Variants in NSF observed in about 807,000 individuals in gnomAD.
NSF encodes vesicle-fusing ATPase.
A neutral mutation model predicts 50.3 loss-of-function variants in NSF; 14 were observed. The ratio of observed to expected loss-of-function variants is 0.28; its 90% CI spans 0.18 to 0.44. The LOEUF is 0.44. NSF is among the 20% of genes least tolerant of loss of function. The pLI is 1.00. For missense variants in NSF, 218 were observed against 504.3 expected, an observed-to-expected ratio of 0.43 and a Z score of 5.44; for synonymous variants, 109 against 175.7, an observed-to-expected ratio of 0.62 and a Z score of 3.00.
chr17:46,635,782 T>TGTGTGTGTGTGTGTGTG (rs2058180169), intron 4 of NSF, among the ~76,000 whole-genome samples: 1 of 131,104 alleles, frequency 7.6e-6, no homozygotes, highest in African/African-American at 2.9e-5. Context: ...AATAAATGTG[T>TGTGTGTGTGTGTGTGTG]GTGTGTGTGT....
In NSF at chr17:46,606,813, A is replaced by AAAAT. The variant is rs145372026; in HGVS notation, c.12+16050_12+16053dup. ...GGCAACAGGGTGAGACTCTGTTTCA[A>AAAAT]AAATAAATAAATAAATAAATAAATA... On this transcript the variant is annotated intron_variant, in intron 1 of 20. Transcript: ENST00000398238. Among the ~76,000 whole-genome samples the AAAAT allele has an allele frequency of 3.7e-3, 20 of 5,346 alleles. 9 individuals are homozygous for AAAAT. The highest frequency in any genetic ancestry group is 4.3e-3 in the African/African-American group (20 of 4,666). 3.5% of individuals were successfully genotyped at this position (5,346 alleles called of 152,430 possible).
intron 17 of NSF, among the ~76,000 whole-genome samples, chr17:46,731,126 A>G (rs779105610): frequency 6.6e-6 from 1 of 152,190 alleles, no homozygotes; most frequent in Non-Finnish European, 1.5e-5. Context: ...GATAAAATCT[A>G]GTATATCCAT....
intron 9 of NSF, among the ~76,000 whole-genome samples, chr17:46,678,447 A>T (rs2058422567): frequency 2.0e-5 from 3 of 148,060 alleles, no homozygotes; most frequent in Non-Finnish European, 3.0e-5. Context: ...ATAAGATGAA[A>T]ATAACCAGAG....
intron 15 of NSF, among the ~76,000 whole-genome samples, chr17:46,717,804 G>A (rs181121524): frequency 4.6e-5 from 7 of 152,324 alleles, no homozygotes; most frequent in Non-Finnish European, 8.8e-5. Context: ...AGCGGCAAGC[G>A]AACAAGGTGA....
Position 46,751,607 on chromosome 17 carries a change from GTCCCTACAGGTAA to G in NSF, c.2149_2157+4del. ...AGAAGTTACTAATGCTGATCGAGAT[GTCCCTACAGGTAA>G]GGTACTTCGTTCTCCGTATGACTCA... On this transcript the variant is annotated splice_donor_variant and splice_donor_region_variant and coding_sequence_variant and intron_variant, in exon 19 of 21. Coordinates refer to ENST00000398238, the MANE Select transcript of NSF (RefSeq NM_006178.4). LOFTEE classifies it high-confidence loss of function. The G allele has an allele frequency of 6.2e-7, 1 of 1,606,532 alleles. No individual in the cohort carries two copies. Among genetic ancestry groups the G allele is most frequent in the Non-Finnish European group, 8.5e-7 (1 of 1,173,302 alleles).
chr17:46,728,685 TG>T (rs2058916919), intron 16 of NSF, among the ~76,000 whole-genome samples, 169 bp from the exon 17 acceptor site: 2 of 151,926 alleles, frequency 1.3e-5, no homozygotes, highest in East Asian at 1.9e-4. Flanking sequence ...GTTTTATGAC[TG>T]TTATTTAAGA....
chr17:46,714,887 G>C (rs1332146406), intron 15 of NSF, among the ~76,000 whole-genome samples: 2 of 152,194 alleles, frequency 1.3e-5, no homozygotes, highest in African/African-American at 4.8e-5. Context: ...GAATTGAAGT[G>C]CTCCCTAGTA....
rs139331985 is a variant in NSF, at chr17:46,709,031, G to T, written c.1471-1932G>T. ...GTAGAGACGAGGTTTCACTTTGTTG[G>T]CCAGGATGGTCTCAATCTCCTGACC... On this transcript the variant is annotated intron_variant, in intron 13 of 20. Coordinates refer to ENST00000398238, the MANE Select transcript of NSF (RefSeq NM_006178.4). Among the ~76,000 whole-genome samples the T allele has an allele frequency of 8.5e-3, 1,285 of 151,036 alleles. 4 individuals carry two copies. The highest frequency in any genetic ancestry group is 0.014 in the Non-Finnish European group (946 of 67,832).
In NSF at chr17:46,754,583, A is replaced by G. The variant is rs139201855; in HGVS notation, c.2158-731A>G. 2.0e-5 allele frequency among the ~76,000 whole-genome samples: 3 copies of G among 152,370 alleles called. 1 individual carries two copies. Among genetic ancestry groups the G allele is most frequent in the Non-Finnish European group, 2.9e-5 (2 of 68,034 alleles). The stretch of plus-strand genomic sequence containing the variant: ...ATAACTTCATATCTCCTGTGGGCCT[A>G]CGAGAATAAAGTACATTTAACGAGT... On this transcript the variant is annotated intron_variant, in intron 19 of 20. Coordinates refer to ENST00000398238, the MANE Select transcript of NSF (RefSeq NM_006178.4).
chr17:46,736,732 C>T (rs2059009487), intron 17 of NSF, among the ~76,000 whole-genome samples: 1 of 152,234 alleles, frequency 6.6e-6, no homozygotes, highest in Non-Finnish European at 1.5e-5. Flanking sequence ...TTAAATGAGA[C>T]TACCTTTGTA....
chr17:46,717,489 G>T (rs777897841), intron 15 of NSF, among the ~76,000 whole-genome samples: 3 of 152,156 alleles, frequency 2.0e-5, no homozygotes, highest in Non-Finnish European at 4.4e-5. Flanking sequence ...GAGGTGGGGG[G>T]ATCATGAGGT....
intron 14 of NSF, among the ~76,000 whole-genome samples, chr17:46,711,767 T>C (rs2058721885): frequency 6.6e-6 from 1 of 152,136 alleles, no homozygotes; most frequent in Non-Finnish European, 1.5e-5. Context: ...TCTAAAGGTC[T>C]GGGGGATGAG....
In NSF at chr17:46,733,349, C is replaced by CT. The variant is rs929429738; in HGVS notation, c.1908+4425dup. Among the ~76,000 whole-genome samples the CT allele has an allele frequency of 1.8e-3, 264 of 149,122 alleles. 1 individual carries two copies. Among genetic ancestry groups the CT allele is most frequent in the Non-Finnish European group, 2.4e-3 (159 of 67,000 alleles). The stretch of plus-strand genomic sequence containing the variant: ...CCTCATAGATCTCTTCTGCCACCTT[C>CT]TTTTTTTTTTCTTTTTGGGAGACAG... On this transcript the variant is annotated intron_variant, in intron 17 of 20. Transcript: ENST00000398238.
chr17:46,638,503 G>A (rs1263197572), intron 5 of NSF, among the ~76,000 whole-genome samples: 5 of 48,200 alleles, frequency 1.0e-4, no homozygotes, highest in Non-Finnish European at 1.3e-4. Flanking sequence ...TCTGCCTCCC[G>A]AGTAACTGGG....
chr17:46,703,698 A>AAAAAAAC (rs1187372099), intron 12 of NSF, among the ~76,000 whole-genome samples: 33 of 149,800 alleles, frequency 2.2e-4, no homozygotes, highest in African/African-American at 4.2e-4. Context: ...AAAAAAAAAA[A>AAAAAAAC]AAAAAACAAA....
chr17:46,742,953 G>A (rs2059090969), intron 17 of NSF, among the ~76,000 whole-genome samples: 1 of 152,156 alleles, frequency 6.6e-6, no homozygotes, highest in South Asian at 2.1e-4. Flanking sequence ...ATAGACCAAA[G>A]GACCTCTACC....
At chr17:46,704,952 A>G (rs1290162919) in intron 13 of NSF, 98 bp downstream of exon 13, 38 of 1,177,894 alleles carry the variant, frequency 3.2e-5, no homozygotes, top group Non-Finnish European at 4.2e-5. Context: ...ATGGAAGGTT[A>G]TAGCATATGC....
intron 17 of NSF, among the ~76,000 whole-genome samples, chr17:46,737,777 T>C (rs2059023370): frequency 6.6e-6 from 1 of 151,942 alleles, no homozygotes; most frequent in Non-Finnish European, 1.5e-5. Context: ...TCACAAATAG[T>C]AGTTTCGGAT....
At chr17:46,718,251 G>A (rs1307663898) in intron 15 of NSF, among the ~76,000 whole-genome samples, 2 of 152,096 alleles carry the variant, frequency 1.3e-5, no homozygotes, top group African/African-American at 4.8e-5. Flanking sequence ...TGCATTTCTT[G>A]TCATGCCACA....
Sources: allele counts gnomAD v4.1 joint callset (sites outside exome capture counted in the v4.1 genomes callset), GRCh38; gene constraint gnomAD v4.1.1; transcripts MANE v1.5; gene names NCBI Gene and HGNC (gene_info 2026-07-23, HGNC 2026-07-21).